The following PCBP3 variants were observed in gnomAD, a reference collection of about 807,000 sequenced individuals.
The protein encoded by PCBP3 is poly(rC) binding protein 3.
Under a neutral mutation model 52.7 loss-of-function variants are expected in PCBP3, and 25 were observed. The observed-to-expected ratio is 0.47, with a 90% CI of 0.35 to 0.66. The LOEUF is 0.66. Ranked by LOEUF, PCBP3 falls within the 30% of genes least tolerant of loss-of-function variation. The pLI is 0.01. For synonymous variants in PCBP3, 162 were observed against 183.0 expected (o/e 0.89, Z 0.93); for missense variants, 391 against 490.3 (o/e 0.80, Z 1.91).
rs953519124 is a variant in PCBP3 at position 45,942,353 on chromosome 21, G to A, written c.*647G>A. ...GATGCCGCGTGCTGGGAAGGCTCTTGGGGTCCCCTGAGCGTCTTCCAGGGT... is the reference window on the plus strand; with the variant it reads ...GATGCCGCGTGCTGGGAAGGCTCTTAGGGTCCCCTGAGCGTCTTCCAGGGT... On this transcript the variant is annotated 3_prime_UTR_variant, in exon 18 of 18. Transcript: ENST00000681687. 5 of 152,246 alleles carry A rather than the reference G, an allele frequency of 3.3e-5. No homozygotes were observed. Among genetic ancestry groups the A allele is most frequent in the African/African-American group, 4.8e-5 (2 of 41,452 alleles). 9.4% of individuals were successfully genotyped at this position (152,246 alleles called of 1,614,324 possible).
chr21:45,675,663 C>T (rs1248817818), intron 2 of PCBP3, among the ~76,000 whole-genome samples: 2 of 152,176 alleles, frequency 1.3e-5, no homozygotes, highest in African/African-American at 2.4e-5. Context: ...CCACAGTAAG[C>T]CTGTAAAATC....
chr21:45,813,576 G>A (rs919515453), intron 4 of PCBP3, among the ~76,000 whole-genome samples: 7 of 152,088 alleles, frequency 4.6e-5, no homozygotes, highest in African/African-American at 1.4e-4. Context: ...TGAGGAGCTG[G>A]GATTACAGGC....
At chr21:45,924,844 G>A (rs78080899) in intron 13 of PCBP3, among the ~76,000 whole-genome samples, 8 of 33,880 alleles carry the variant, frequency 2.4e-4, no homozygotes, top group African/African-American at 1.4e-3. Context: ...AGTCGTGTGG[G>A]TAGAAACAGC....
intron 1 of PCBP3, among the ~76,000 whole-genome samples, chr21:45,647,217 G>A (rs904641913): frequency 3.6e-4 from 55 of 152,294 alleles, no homozygotes; most frequent in Middle Eastern, 3.4e-3. Flanking sequence ...ACTTAACCCA[G>A]GTTACTCTTT....
intron 5 of PCBP3, among the ~76,000 whole-genome samples, chr21:45,891,396 C>T (rs8127512): frequency 0.25 from 38,091 of 152,156 alleles, 5,411 homozygotes; most frequent in African/African-American, 0.39. Context: ...TTTTTTCCCA[C>T]GGTGGAATTC....
intron 2 of PCBP3, among the ~76,000 whole-genome samples, chr21:45,669,278 C>G (rs1450245645): frequency 6.6e-6 from 1 of 152,006 alleles, no homozygotes; most frequent in African/African-American, 2.4e-5. Flanking sequence ...CCAATTCTTT[C>G]TTCAGCAGCA....
chr21:45,650,556 T>A (rs2079612959), intron 1 of PCBP3, among the ~76,000 whole-genome samples: 1 of 152,134 alleles, frequency 6.6e-6, no homozygotes, highest in Non-Finnish European at 1.5e-5. Context: ...ACTCGAGTGA[T>A]CTTCTTGCCT....
chr21:45,909,578 C>A, intron 10 of PCBP3, 92 bp downstream of exon 10: 1 of 1,318,900 alleles, frequency 7.6e-7, no homozygotes. Flanking sequence ...TGAGCCTTGT[C>A]CCTGCTGTCT....
intron 1 of PCBP3, among the ~76,000 whole-genome samples, chr21:45,668,422 G>A (rs2080947332): frequency 6.6e-6 from 1 of 152,090 alleles, no homozygotes; most frequent in Non-Finnish European, 1.5e-5. Flanking sequence ...AATGTAACCT[G>A]GCAAGTGGAA....
At chr21:45,894,573 T>C (rs1335440976) in intron 5 of PCBP3, among the ~76,000 whole-genome samples, 2 of 152,354 alleles carry the variant, frequency 1.3e-5, no homozygotes, top group African/African-American at 2.4e-5. Context: ...TCTACACGAA[T>C]GCACTACTTA....
chr21:45,645,059 T>C (rs2146649224), intron 1 of PCBP3, among the ~76,000 whole-genome samples: 1 of 152,324 alleles, frequency 6.6e-6, no homozygotes, highest in Non-Finnish European at 1.5e-5. Flanking sequence ...GGAGTGTTTG[T>C]AGAACAGTGG....
chr21:45,879,565 T>TA (rs1236615394), intron 5 of PCBP3, among the ~76,000 whole-genome samples: 1 of 152,150 alleles, frequency 6.6e-6, no homozygotes, highest in African/African-American at 2.4e-5. Context: ...ATATTCCATG[T>TA]AAAAAACTAA....
At chr21:45,863,593 C>T (rs918082954) in intron 5 of PCBP3, among the ~76,000 whole-genome samples, 3 of 152,226 alleles carry the variant, frequency 2.0e-5, no homozygotes, top group Admixed American at 1.3e-4. Context: ...ACGCGGCTCC[C>T]GCCCGAGGCC....
At chr21:45,748,677 C>T (rs1192936702) in intron 3 of PCBP3, among the ~76,000 whole-genome samples, 2 of 152,364 alleles carry the variant, frequency 1.3e-5, no homozygotes, top group South Asian at 4.1e-4. Context: ...TGGCCACATC[C>T]AGCAGGGCTG....
At chr21:45,893,990 C>T in intron 5 of PCBP3, 2 of 985,562 alleles carry the variant, frequency 2.0e-6, no homozygotes, top group Non-Finnish European at 2.4e-6. Flanking sequence ...GCAGCAAGGC[C>T]AGGGCACTTT....
At chr21:45,766,611 T>G (rs866141967) in intron 4 of PCBP3, among the ~76,000 whole-genome samples, 84 of 152,308 alleles carry the variant, frequency 5.5e-4, no homozygotes, top group African/African-American at 1.8e-3. Flanking sequence ...GAAAGCACTT[T>G]TTACCTCACG....
Position 45,821,215 on chromosome 21 carries a change from C to T in PCBP3, c.-125-28746C>T, listed in dbSNP as rs974695350. On this transcript the variant is annotated intron_variant, in intron 4 of 17. Coordinates refer to ENST00000681687, the MANE Select transcript of PCBP3 (RefSeq NM_001384156.1). This position sits in a 1 kb window ranked among gnomAD's most constrained non-coding sequence, Gnocchi z 4.4. ...TGGCAGGCTGGGAGGGACCCCCTCT[C>T]CTGTGCAGCCTCTCCCTAATCCTGG... is the stretch of plus-strand genomic sequence containing the variant. Among the ~76,000 whole-genome samples the T allele has an allele frequency of 2.6e-5, 4 of 152,112 alleles. No homozygotes were observed. The highest frequency in any genetic ancestry group is 2.6e-4 in the Admixed American group (4 of 15,286).
intron 4 of PCBP3, among the ~76,000 whole-genome samples, chr21:45,813,377 GTT>G (rs761676025): frequency 2.0e-5 from 3 of 152,080 alleles, no homozygotes; most frequent in Non-Finnish European, 4.4e-5. Context: ...CATTTTTATA[GTT>G]TCCCTTTTCT....
chr21:45,909,760 G>A (rs1234993670), intron 10 of PCBP3, among the ~76,000 whole-genome samples: 9 of 103,878 alleles, frequency 8.7e-5, no homozygotes, highest in African/African-American at 2.4e-4. Flanking sequence ...GCCCAGATAC[G>A]GACCCCCCCC....
Sources: gnomAD v4.1 joint callset for allele counts (sites outside exome capture counted in the v4.1 genomes callset) on GRCh38, gnomAD v4.1.1 for gene constraint, Gnocchi (gnomAD v3.1) non-coding constraint, MANE v1.5 for transcripts, NCBI Gene and HGNC (gene_info 2026-07-23, HGNC 2026-07-21) for gene names.